POU6F2: variants seen among roughly 807,000 people sequenced by gnomAD.
POU6F2 encodes POU domain, class 6, transcription factor 2.
Under a neutral mutation model 71.3 loss-of-function variants are expected in POU6F2, and 31 were observed. The observed-to-expected ratio is 0.43, with a 90% CI of 0.33 to 0.59. The LOEUF is 0.59. POU6F2 is among the 20% of genes least tolerant of loss of function. The pLI, the probability that POU6F2 is intolerant of heterozygous loss-of-function variation, is 0.04. For missense variants in POU6F2, 783 were observed against 856.8 expected, an observed-to-expected ratio of 0.91 and a Z score of 1.07; for synonymous variants, 347 against 355.7, an observed-to-expected ratio of 0.98 and a Z score of 0.27.
At chr7:39,012,283 A>T (rs1176205430) in intron 1 of POU6F2, among the ~76,000 whole-genome samples, 1 of 151,794 alleles carries the variant, frequency 6.6e-6, no homozygotes, top group Non-Finnish European at 1.5e-5. Flanking sequence ...TTCATCTTCC[A>T]TTGCTGATAC....
chr7:39,324,557 G>A (rs1785471220), intron 4 of POU6F2, among the ~76,000 whole-genome samples: 1 of 152,196 alleles, frequency 6.6e-6, no homozygotes, highest in South Asian at 2.1e-4. Context: ...GGGATGTTGA[G>A]GTTGCTTGTT....
intron 2 of POU6F2, among the ~76,000 whole-genome samples, chr7:39,116,959 G>A (rs1008363651): frequency 3.9e-5 from 6 of 152,098 alleles, no homozygotes; most frequent in African/African-American, 9.7e-5. Flanking sequence ...GGAGCCTATC[G>A]TGATTTCTCT....
intron 5 of POU6F2, among the ~76,000 whole-genome samples, chr7:39,398,671 C>G (rs1787231881): frequency 6.6e-6 from 1 of 152,142 alleles, no homozygotes; most frequent in African/African-American, 2.4e-5. Flanking sequence ...GCAAAGCAAA[C>G]AGCTGAGGTA....
chr7:39,434,831 T>C (rs756970965), intron 7 of POU6F2, among the ~76,000 whole-genome samples: 105 of 152,258 alleles, frequency 6.9e-4, no homozygotes, highest in Non-Finnish European at 1.2e-3. Context: ...CCCCTCTCTG[T>C]GTCCATCTGT....
chr7:39,395,028 C>G (rs1787145566), intron 5 of POU6F2, among the ~76,000 whole-genome samples: 1 of 152,176 alleles, frequency 6.6e-6, no homozygotes. Context: ...CTCCCTCCCT[C>G]TGATTGCCCT....
intron 1 of POU6F2, among the ~76,000 whole-genome samples, chr7:39,022,401 C>A (rs1040114595): frequency 6.6e-6 from 1 of 151,996 alleles, no homozygotes; most frequent in Non-Finnish European, 1.5e-5. Flanking sequence ...GATTATCCCC[C>A]ACCCATCATT....
At chr7:39,135,566 T>G (rs1792373418) in intron 2 of POU6F2, among the ~76,000 whole-genome samples, 1 of 152,142 alleles carries the variant, frequency 6.6e-6, no homozygotes, top group African/African-American at 2.4e-5. Context: ...ATTTAAAAAA[T>G]GTTTATCTCG....
intron 1 of POU6F2, among the ~76,000 whole-genome samples, chr7:39,057,192 T>G (rs1307033095): frequency 6.6e-6 from 1 of 152,182 alleles, no homozygotes; most frequent in East Asian, 1.9e-4. Flanking sequence ...TTGTTGAAGA[T>G]GGAATTTGTG....
chr7:39,458,917 G>A (rs540545248), intron 8 of POU6F2, among the ~76,000 whole-genome samples: 1 of 152,194 alleles, frequency 6.6e-6, no homozygotes, highest in Admixed American at 6.5e-5. Flanking sequence ...ACTGCCCATT[G>A]GGAAGACCTA....
chr7:38,985,137 G>A (rs1253277187), intron 1 of POU6F2, among the ~76,000 whole-genome samples: 1 of 152,108 alleles, frequency 6.6e-6, no homozygotes, highest in Non-Finnish European at 1.5e-5. Context: ...CCTCCAAATT[G>A]GAAGGGCAGA....
intron 2 of POU6F2, among the ~76,000 whole-genome samples, chr7:39,161,723 C>T (rs1274362637): frequency 1.3e-5 from 2 of 151,946 alleles, no homozygotes; most frequent in African/African-American, 4.8e-5. Context: ...GATACAAAAG[C>T]GGTACTATGC....
intron 4 of POU6F2, among the ~76,000 whole-genome samples, chr7:39,260,758 C>T (rs1784121517): frequency 1.3e-5 from 2 of 151,962 alleles, no homozygotes; most frequent in African/African-American, 4.8e-5. Context: ...GACACCATGC[C>T]ACATACCACA....
At chr7:39,444,299 G>T (rs1194373806) in intron 7 of POU6F2, among the ~76,000 whole-genome samples, 1 of 152,164 alleles carries the variant, frequency 6.6e-6, no homozygotes, top group Non-Finnish European at 1.5e-5. Context: ...AAAACCAGAT[G>T]AAGGCCGGGC....
chr7:39,411,410 C>T (rs1029712009), intron 6 of POU6F2, among the ~76,000 whole-genome samples: 3 of 152,160 alleles, frequency 2.0e-5, no homozygotes, highest in South Asian at 2.1e-4. Flanking sequence ...CTAAAGAAAG[C>T]ATTCTACATT....
At chr7:39,399,884 G>T (rs968091615) in intron 5 of POU6F2, among the ~76,000 whole-genome samples, 5 of 135,792 alleles carry the variant, frequency 3.7e-5, no homozygotes, top group Non-Finnish European at 6.5e-5. Context: ...AAGAAAGAAA[G>T]AAAAAGAAAA....
intron 4 of POU6F2, among the ~76,000 whole-genome samples, chr7:39,246,975 G>A (rs995544970): frequency 2.2e-5 from 3 of 139,320 alleles, no homozygotes; most frequent in Non-Finnish European, 4.5e-5. Context: ...GCAATGGCGC[G>A]ATCTCGGCTC....
At position 39,465,399 on chromosome 7, in the gene POU6F2, A is replaced by C. The variant is rs1416467835; in HGVS notation, c.*713A>C. 6.6e-6 allele frequency: 1 copy of C among 151,846 alleles called. No individual in the cohort carries two copies. Among genetic ancestry groups the C allele is most frequent in the Non-Finnish European group, 1.5e-5 (1 of 67,982 alleles). The allele number at this position is 151,846 out of a possible 1,614,324, so 9.4% of individuals were successfully genotyped here. A position where few individuals can be genotyped will look rare whatever the true frequency, so the allele number is the denominator to read the frequency against. ...TTGAAGCCATTCTGTGAGGCTCACTATTGGGTTTTTTTGTGGGGGTGGTAG... is the reference window on the plus strand; with the variant it reads ...TTGAAGCCATTCTGTGAGGCTCACTCTTGGGTTTTTTTGTGGGGGTGGTAG... On this transcript the variant is annotated 3_prime_UTR_variant, in exon 10 of 10. Coordinates refer to ENST00000518318, the MANE Select transcript of POU6F2 (RefSeq NM_001370959.1).
intron 5 of POU6F2, among the ~76,000 whole-genome samples, chr7:39,358,779 G>A (rs1352370217): frequency 2.0e-5 from 3 of 151,458 alleles, no homozygotes; most frequent in African/African-American, 2.4e-5. Context: ...TAGAGGAGTC[G>A]GATCAGGTGT....
chr7:39,244,578 A>G (rs1333563948), intron 4 of POU6F2, among the ~76,000 whole-genome samples: 2 of 152,224 alleles, frequency 1.3e-5, no homozygotes, highest in Non-Finnish European at 2.9e-5. Flanking sequence ...TAAAATTACA[A>G]TATCATGAAA....
Sources: allele counts gnomAD v4.1 joint callset (sites outside exome capture counted in the v4.1 genomes callset), GRCh38; gene constraint gnomAD v4.1.1; transcripts MANE v1.5; gene names NCBI Gene and HGNC (gene_info 2026-07-23, HGNC 2026-07-21).